GNB1: variants seen among roughly 807,000 people sequenced by gnomAD.
GNB1 encodes the protein guanine nucleotide-binding protein G(I)/G(S)/G(T) subunit beta-1.
A neutral mutation model predicts 42.9 loss-of-function variants in GNB1; 2 were observed. That is an observed-to-expected ratio of 0.05 (90% CI 0.02 to 0.15). The LOEUF is 0.15. Ranked by LOEUF, GNB1 falls within the 10% of genes least tolerant of loss-of-function variation. The pLI, the probability that GNB1 is intolerant of heterozygous loss-of-function variation, is 1.00. For missense variants in GNB1, 193 were observed against 462.2 expected (o/e 0.42, Z 5.34); for synonymous variants, 183 against 174.7 (o/e 1.05, Z -0.38).
intron 1 of GNB1, among the ~76,000 whole-genome samples, chr1:1,888,721 C>A (rs887504951): frequency 1.3e-5 from 2 of 152,202 alleles, no homozygotes; most frequent in African/African-American, 4.8e-5. Context: ...AGCTGTAATC[C>A]CAGCTACTCG....
intron 1 of GNB1, among the ~76,000 whole-genome samples, chr1:1,843,567 T>C (rs1402062487): frequency 2.6e-5 from 4 of 152,198 alleles, no homozygotes; most frequent in Non-Finnish European, 2.9e-5. Flanking sequence ...GCTCAAATCA[T>C]GACTCAAGAT....
chr1:1,840,488 G>A (rs1647215020), intron 1 of GNB1, among the ~76,000 whole-genome samples: 1 of 152,160 alleles, frequency 6.6e-6, no homozygotes, highest in African/African-American at 2.4e-5. Flanking sequence ...AGATCGTGCC[G>A]CTGCACTCCA....
chr1:1,856,068 G>A (rs1648279666), intron 1 of GNB1, among the ~76,000 whole-genome samples: 2 of 152,204 alleles, frequency 1.3e-5, no homozygotes, highest in African/African-American at 4.8e-5. Context: ...TGTGACCCAG[G>A]CTAGAGTGCA....
At chr1:1,878,409 T>C (rs1334431394) in intron 1 of GNB1, among the ~76,000 whole-genome samples, 2 of 152,190 alleles carry the variant, frequency 1.3e-5, no homozygotes, top group Non-Finnish European at 2.9e-5. Context: ...CCAGGACTTA[T>C]TTCAATTCCA....
chr1:1,868,651 C>T (rs907239419), intron 1 of GNB1, among the ~76,000 whole-genome samples: 4 of 151,670 alleles, frequency 2.6e-5, no homozygotes, highest in African/African-American at 7.3e-5. Flanking sequence ...GGCATGGTGG[C>T]GGGCACCTGT....
intron 1 of GNB1, among the ~76,000 whole-genome samples, chr1:1,876,538 C>G (rs978846304): frequency 3.3e-5 from 5 of 151,400 alleles, no homozygotes; most frequent in African/African-American, 1.2e-4. Flanking sequence ...GCCACGTGCA[C>G]GAGCCAGTGA....
At chr1:1,842,613 A>C (rs2101267818) in intron 1 of GNB1, among the ~76,000 whole-genome samples, 1 of 152,256 alleles carries the variant, frequency 6.6e-6, no homozygotes, top group South Asian at 2.1e-4. Flanking sequence ...CAGGGGCTGC[A>C]TGTGTCTGCG....
At chr1:1,834,796 G>C (rs1011192980) in intron 2 of GNB1, among the ~76,000 whole-genome samples, 1 of 151,126 alleles carries the variant, frequency 6.6e-6, no homozygotes, top group Admixed American at 6.7e-5. Context: ...AGCCTCCCAA[G>C]TAGCCAGGAC....
At chr1:1,887,817 G>A (rs1239966166) in intron 1 of GNB1, among the ~76,000 whole-genome samples, 2 of 152,134 alleles carry the variant, frequency 1.3e-5, no homozygotes, top group African/African-American at 4.8e-5. Context: ...GTTTCGCTAT[G>A]TTGGCCAGAC....
At chr1:1,842,628 C>T (rs1021237973) in intron 1 of GNB1, among the ~76,000 whole-genome samples, 1 of 152,146 alleles carries the variant, frequency 6.6e-6, no homozygotes, top group African/African-American at 2.4e-5. Flanking sequence ...TCTGCGTGTG[C>T]ATGCACATGT....
intron 1 of GNB1, among the ~76,000 whole-genome samples, chr1:1,876,409 C>G (rs1419542571): frequency 6.6e-6 from 1 of 151,832 alleles, no homozygotes; most frequent in Non-Finnish European, 1.5e-5. Context: ...CCTTAGCCTC[C>G]TGGATAGCTG....
In GNB1 at chr1:1,785,803, C is replaced by A; in HGVS notation, c.*1260G>T. The A allele has an allele frequency of 3.4e-6, 1 of 292,190 alleles. No homozygotes were observed. 18.1% of individuals were successfully genotyped at this position (292,190 alleles called of 1,614,324 possible). On this transcript the variant is annotated 3_prime_UTR_variant, in exon 12 of 12. Transcript: ENST00000378609. Reference sequence around the variant, plus strand: ...CCAACAGCAGTCGTTTGCAACAGAACTTTTTTTTTTTTAAAGAAATAAAGA... The same window carrying A: ...CCAACAGCAGTCGTTTGCAACAGAAATTTTTTTTTTTTAAAGAAATAAAGA...
intron 1 of GNB1, among the ~76,000 whole-genome samples, chr1:1,856,882 A>G (rs1276650999): frequency 6.6e-6 from 1 of 152,246 alleles, no homozygotes; most frequent in African/African-American, 2.4e-5. Flanking sequence ...AAGGCCCAAG[A>G]AAAAGGCTCT....
chr1:1,875,429 G>C (rs760835977), intron 1 of GNB1, among the ~76,000 whole-genome samples: 1 of 152,168 alleles, frequency 6.6e-6, no homozygotes, highest in Non-Finnish European at 1.5e-5. Context: ...CTGGCCTCAA[G>C]TGATCCACCC....
At position 1,863,053 on chromosome 1, in the gene GNB1, C is replaced by T. The variant is rs1648720398; in HGVS notation, c.-95-23815G>A. ...CAGGCTGAATGTGTCTGACCCTCAG[C>T]ACTGTGGACACTGGGGTCATCCCGG... On this transcript the variant is annotated intron_variant, in intron 1 of 11. Coordinates refer to ENST00000378609, the MANE Select transcript of GNB1 (RefSeq NM_002074.5). Among the ~76,000 whole-genome samples, 4 of 152,180 alleles carry T rather than the reference C, an allele frequency of 2.6e-5. No homozygotes were observed. The South Asian group carries it at 8.3e-4, about 32-fold the overall frequency.
At chr1:1,798,513 G>T (rs1310077970) in intron 7 of GNB1, among the ~76,000 whole-genome samples, 1 of 152,236 alleles carries the variant, frequency 6.6e-6, no homozygotes, top group Non-Finnish European at 1.5e-5. Context: ...GAAGGCCTTA[G>T]GCTGGACTTC....
At chr1:1,797,161 T>C (rs141225599) in intron 7 of GNB1, among the ~76,000 whole-genome samples, 1 of 152,228 alleles carries the variant, frequency 6.6e-6, no homozygotes, top group East Asian at 1.9e-4. Context: ...GACGATGGGC[T>C]TGAGAAACCA....
chr1:1,822,530 T>A (rs1409149254), intron 3 of GNB1, among the ~76,000 whole-genome samples: 1 of 152,048 alleles, frequency 6.6e-6, no homozygotes, highest in Non-Finnish European at 1.5e-5. Context: ...TTAGCCAGGA[T>A]GGTATCGATC....
chr1:1,864,314 C>CAAAAAAAAA lies in GNB1; in HGVS notation c.-95-25085_-95-25077dup, dbSNP rs1173466617. ...CTGGGTGACAAGAGCAAGACTCTCTCAAAAAAAAAAAAAAAAAAAAAAGAA... is the reference window on the plus strand; with the variant it reads ...CTGGGTGACAAGAGCAAGACTCTCTCAAAAAAAAAAAAAAAAAAAAAAAAAAAAAAAGAA... On this transcript the variant is annotated intron_variant, in intron 1 of 11. Coordinates refer to ENST00000378609, the MANE Select transcript of GNB1 (RefSeq NM_002074.5). Among the ~76,000 whole-genome samples the CAAAAAAAAA allele has an allele frequency of 3.4e-3, 130 of 37,836 alleles. 4 individuals carry two copies. Among genetic ancestry groups the CAAAAAAAAA allele is most frequent in the East Asian group, 0.018 (15 of 826 alleles). The allele number at this position is 37,836 out of a possible 152,430, so 24.8% of individuals were successfully genotyped here.
Sources: allele counts gnomAD v4.1 joint callset (sites outside exome capture counted in the v4.1 genomes callset), GRCh38; gene constraint gnomAD v4.1.1; transcripts MANE v1.5; gene names NCBI Gene and HGNC (gene_info 2026-07-23, HGNC 2026-07-21).